Variants in JAZF1 observed in about 807,000 individuals in gnomAD.
JAZF1 encodes JAZF zinc finger 1.
A neutral mutation model predicts 26.4 loss-of-function variants in JAZF1; 8 were observed. That is an observed-to-expected ratio of 0.30 (90% confidence interval 0.18 to 0.55). The LOEUF (loss-of-function observed/expected upper bound fraction) is 0.55. Ranked by LOEUF, JAZF1 falls within the 20% of genes least tolerant of loss-of-function variation. JAZF1 has a pLI of 0.94. For synonymous variants in JAZF1, 126 were observed against 122.3 expected (o/e 1.03, Z -0.20); for missense variants, 199 against 322.0 (o/e 0.62, Z 2.92).
intron 1 of JAZF1, among the ~76,000 whole-genome samples, chr7:28,081,856 C>T (rs527854014): frequency 6.6e-6 from 1 of 152,250 alleles, no homozygotes; most frequent in South Asian, 2.1e-4. Context: ...TTCATTACCA[C>T]AAAATGCTGC....
intron 1 of JAZF1, among the ~76,000 whole-genome samples, chr7:28,134,943 T>G (rs1311875395): frequency 6.6e-6 from 1 of 152,216 alleles, no homozygotes; most frequent in Non-Finnish European, 1.5e-5. Flanking sequence ...TTGTGCTTTA[T>G]ATATACACGT....
intron 2 of JAZF1, among the ~76,000 whole-genome samples, chr7:27,938,307 T>C (rs1383636964): frequency 6.6e-6 from 1 of 152,254 alleles, no homozygotes; most frequent in Non-Finnish European, 1.5e-5. Context: ...GTTTTGTTCT[T>C]AACTTTCCAA....
chr7:28,166,471 G>A (rs1783368963), intron 1 of JAZF1, among the ~76,000 whole-genome samples: 1 of 152,068 alleles, frequency 6.6e-6, no homozygotes, highest in African/African-American at 2.4e-5. Flanking sequence ...CATGTTCTCG[G>A]ATTTCTTCAT....
chr7:28,116,263 T>C (rs1764416865), intron 1 of JAZF1, among the ~76,000 whole-genome samples: 1 of 152,224 alleles, frequency 6.6e-6, no homozygotes, highest in Admixed American at 6.5e-5. Flanking sequence ...CATTCTGTAC[T>C]CTCAGAAGTA....
At chr7:28,105,514 T>C (rs891091216) in intron 1 of JAZF1, among the ~76,000 whole-genome samples, 5 of 152,204 alleles carry the variant, frequency 3.3e-5, no homozygotes, top group African/African-American at 1.2e-4. Flanking sequence ...GCAGAGTTGA[T>C]AGGAAGGCAG....
chr7:28,169,170 T>C (rs1431578339), intron 1 of JAZF1, among the ~76,000 whole-genome samples: 1 of 152,236 alleles, frequency 6.6e-6, no homozygotes, highest in African/African-American at 2.4e-5. Context: ...TATTCTAACA[T>C]CTGAAGTGAA....
intron 3 of JAZF1, among the ~76,000 whole-genome samples, chr7:27,876,871 C>T (rs997624513): frequency 4.6e-5 from 7 of 152,120 alleles, no homozygotes; most frequent in Non-Finnish European, 7.4e-5. Context: ...CCACAATGAG[C>T]GCTCTATACT....
chr7:27,852,328 T>G (rs1403625314), intron 3 of JAZF1, among the ~76,000 whole-genome samples: 1 of 151,970 alleles, frequency 6.6e-6, no homozygotes, highest in African/African-American at 2.4e-5. Flanking sequence ...GAGATGGGGT[T>G]TTACCACGTT....
chr7:27,958,307 A>G (rs1431901118), intron 2 of JAZF1, among the ~76,000 whole-genome samples: 12 of 152,246 alleles, frequency 7.9e-5, no homozygotes, highest in Admixed American at 7.2e-4. Flanking sequence ...AATTTTTACT[A>G]AAGAGTAGGT....
intron 1 of JAZF1, among the ~76,000 whole-genome samples, chr7:28,161,281 A>AG (rs1783283202): frequency 7.0e-6 from 1 of 143,264 alleles, no homozygotes; most frequent in East Asian, 2.0e-4. Context: ...AAAAAAAAAA[A>AG]GTCTACTCAA....
chr7:27,831,365 G>A lies in JAZF1; in HGVS notation c.*1435C>T, dbSNP rs560762299. 1.2e-4 allele frequency: 28 copies of A among 227,384 alleles called. No individual in the cohort carries two copies. The South Asian group carries it at 2.9e-3, about 24-fold the overall frequency. The allele number at this position is 227,384 out of a possible 1,614,324, so 14.1% of individuals were successfully genotyped here. ...GGAAGAAACTTTATAAGCAATTTGA[G>A]TTTGTTTTATGGGCAGTTAGCTATC... On this transcript the variant is annotated 3_prime_UTR_variant, in exon 5 of 5. Transcript: ENST00000283928.
chr7:28,163,393 G>T (rs1783321528), intron 1 of JAZF1, among the ~76,000 whole-genome samples: 1 of 152,174 alleles, frequency 6.6e-6, no homozygotes. Context: ...TGGAACTGGG[G>T]AAGAGAAGGG....
At chr7:27,932,304 A>G (rs577850676) in intron 2 of JAZF1, among the ~76,000 whole-genome samples, 1 of 152,220 alleles carries the variant, frequency 6.6e-6, no homozygotes, top group Non-Finnish European at 1.5e-5. Flanking sequence ...AAATCCATGT[A>G]TAATGAGAAT....
At chr7:28,136,866 A>G (rs1046752841) in intron 1 of JAZF1, among the ~76,000 whole-genome samples, 3 of 152,214 alleles carry the variant, frequency 2.0e-5, no homozygotes, top group Admixed American at 1.3e-4. Context: ...GGCCTGAGGG[A>G]GCCCACAGAG....
intron 3 of JAZF1, among the ~76,000 whole-genome samples, chr7:27,870,075 A>AT (rs371770357): frequency 0.093 from 11,172 of 120,582 alleles, 521 homozygotes; most frequent in Middle Eastern, 0.15. Context: ...CACCCGGTTA[A>AT]TTTTTTTTTT....
intron 1 of JAZF1, among the ~76,000 whole-genome samples, chr7:28,006,212 T>C (rs1304270337): frequency 2.6e-5 from 4 of 151,986 alleles, no homozygotes; most frequent in Non-Finnish European, 2.9e-5. Context: ...TCTACTAAAA[T>C]ACAAAAATCA....
chr7:28,070,149 C>T lies in JAZF1; in HGVS notation c.116-78168G>A, dbSNP rs185791519. ...TCAAACAGCTGTGAACCTTTTTCTT[C>T]GTTTATTTTCAAGCAATTAAAACTA... On this transcript the variant is annotated intron_variant, in intron 1 of 4. Transcript: ENST00000283928. Among the ~76,000 whole-genome samples the T allele has an allele frequency of 7.9e-5, 12 of 152,260 alleles. No homozygotes were observed. In the East Asian group the frequency reaches 1.5e-3, roughly 20 times the overall value.
At chr7:27,985,777 T>C (rs998929683) in intron 2 of JAZF1, among the ~76,000 whole-genome samples, 2 of 152,220 alleles carry the variant, frequency 1.3e-5, no homozygotes, top group African/African-American at 4.8e-5. Context: ...GCTTCATCCC[T>C]GGGATGCAAG....
At chr7:27,955,769 C>T (rs1256237387) in intron 2 of JAZF1, among the ~76,000 whole-genome samples, 4 of 152,190 alleles carry the variant, frequency 2.6e-5, no homozygotes, top group Non-Finnish European at 4.4e-5. Flanking sequence ...CACAATTAGG[C>T]ATGACCTTTA....
Sources: gnomAD v4.1 joint callset for allele counts (sites outside exome capture counted in the v4.1 genomes callset) on GRCh38, gnomAD v4.1.1 for gene constraint, MANE v1.5 for transcripts, NCBI Gene and HGNC (gene_info 2026-07-23, HGNC 2026-07-21) for gene names.